DHX35: variants seen among roughly 807,000 people sequenced by gnomAD.
DHX35 encodes probable ATP-dependent RNA helicase DHX35.
In DHX35, 84 loss-of-function variants were observed where a neutral mutation model predicts 99.6. That is an observed-to-expected ratio of 0.84 (90% CI 0.71 to 1.01). The LOEUF (loss-of-function observed/expected upper bound fraction) is 1.01. Ranked by LOEUF, DHX35 falls within the 50% of genes least tolerant of loss-of-function variation. The probability of loss-of-function intolerance (pLI) is 0.00; values close to 1 mark genes in which losing one functional copy is unlikely to be tolerated. For missense variants in DHX35, 852 were observed against 888.5 expected (o/e 0.96, Z 0.52); for synonymous variants, 331 against 316.2 (o/e 1.05, Z -0.50).
At chr20:39,027,821 A>C (rs933239567) in intron 18 of DHX35, among the ~76,000 whole-genome samples, 2 of 152,266 alleles carry the variant, frequency 1.3e-5, no homozygotes, top group African/African-American at 4.8e-5. Flanking sequence ...TAACCATAAA[A>C]ATAACATTAG....
intron 13 of DHX35, among the ~76,000 whole-genome samples, chr20:39,011,775 C>G (rs2086706492): frequency 6.6e-6 from 1 of 152,138 alleles, no homozygotes. Context: ...TATGACAAGT[C>G]TGGAAAGTCT....
chr20:39,003,158 G>T (rs2086550751), intron 10 of DHX35, among the ~76,000 whole-genome samples: 1 of 143,410 alleles, frequency 7.0e-6, no homozygotes, highest in Non-Finnish European at 1.5e-5. Context: ...GCCAGAATTG[G>T]ATACTACATT....
rs61757594 is a variant in DHX35, at chr20:39,010,379, A to G, written c.1322A>G (p.Asn441Ser). 1.1e-3 allele frequency: 1,790 copies of G among 1,614,126 alleles called. 15 individuals are homozygous for G. The African/African-American group carries it at 0.02, about 18-fold the overall frequency. ...CAGCTGAAAGCACTAGGAATTGACA[A>G]TGTCCTCAGGTTCCACTTCATGTCG... ...ILQLKALGIDNVLRFHFMSPP... is the reference protein window; with the variant it reads ...ILQLKALGIDSVLRFHFMSPP... The change falls in exon 13 of 22, where the codon AAT becomes AGT. Residue 441 changes from asparagine (N) to serine (S), a missense_variant. Asn to Ser is a conservative substitution (Grantham distance 46). Coordinates refer to ENST00000252011, the MANE Select transcript of DHX35 (RefSeq NM_021931.4).
At chr20:39,018,769 C>T in intron 14 of DHX35, 35 bp from the exon 15 acceptor site, 1 of 1,598,342 alleles carries the variant, frequency 6.3e-7, no homozygotes, top group African/African-American at 1.3e-5. Context: ...ACAATGGTAC[C>T]TGCCTTCTGA....
intron 19 of DHX35, chr20:39,029,118 T>C (rs2145943044): frequency 6.6e-6 from 1 of 152,478 alleles, no homozygotes; most frequent in East Asian, 1.9e-4. Context: ...TCCAAACTAA[T>C]CATTCCAGTG....
In DHX35 at chr20:39,006,306, CA is replaced by C. The variant is rs2086616329; in HGVS notation, c.1173del (p.Gly392AspfsTer43). 6.2e-7 allele frequency: 1 copy of C among 1,613,990 alleles called. No individual in the cohort carries two copies. ...PVSQASANQR[A>X]GRGGRSRSGK... Reference sequence around the variant, plus strand: ...TCCCAGGCATCAGCTAATCAGCGAGCAGGACGTGGTGGTCGTAGTCGCTCGG... The same window carrying C: ...TCCCAGGCATCAGCTAATCAGCGAGCGGACGTGGTGGTCGTAGTCGCTCGG... On this transcript the variant is annotated frameshift_variant, in exon 12 of 22. Coordinates refer to ENST00000252011, the MANE Select transcript of DHX35 (RefSeq NM_021931.4). LOFTEE classifies it high-confidence loss of function.
chr20:39,016,956 T>C (rs1221880147), intron 14 of DHX35, among the ~76,000 whole-genome samples: 1 of 152,024 alleles, frequency 6.6e-6, no homozygotes, highest in Non-Finnish European at 1.5e-5. Flanking sequence ...TGTAAATATT[T>C]CTCCCATTTT....
chr20:39,003,704 T>G (rs752439461), intron 10 of DHX35, 45 bp from the exon 11 acceptor site: 1 of 1,587,536 alleles, frequency 6.3e-7, no homozygotes, highest in East Asian at 2.3e-5. Context: ...ATAGCATGCT[T>G]TAAATTGATC....
chr20:39,010,218 G>A, intron 12 of DHX35, 62 bp from the exon 13 acceptor site: 1 of 1,612,690 alleles, frequency 6.2e-7, no homozygotes, highest in Non-Finnish European at 8.5e-7. Context: ...TTGTCCCTTG[G>A]CATAGTGATT....
rs2085955419 is a variant in DHX35 at position 38,969,135 on chromosome 20, ACT to A, written c.98_99del (p.Ser33TrpfsTer27). 10 of 1,613,532 alleles carry A rather than the reference ACT, an allele frequency of 6.2e-6. No homozygotes were observed. The highest frequency in any genetic ancestry group is 6.8e-6 in the Non-Finnish European group (8 of 1,179,686). ...GAAGAGAGACAAAGTCTGGCTGAAA[ACT>A]CTGGGACAACGGTTGTTTACAACCC... is the stretch of plus-strand genomic sequence containing the variant. On this transcript the variant is annotated frameshift_variant, in exon 2 of 22. Coordinates refer to ENST00000252011, the MANE Select transcript of DHX35 (RefSeq NM_021931.4). LOFTEE classifies it high-confidence loss of function.
intron 1 of DHX35, among the ~76,000 whole-genome samples, chr20:38,967,482 G>A (rs887049225): frequency 2.0e-5 from 3 of 152,202 alleles, no homozygotes; most frequent in African/African-American, 7.2e-5. Context: ...CTTACATTGA[G>A]TTGAATTCTG....
At chr20:38,987,077 G>C (rs904158960) in intron 4 of DHX35, among the ~76,000 whole-genome samples, 2 of 152,350 alleles carry the variant, frequency 1.3e-5, no homozygotes, top group East Asian at 3.9e-4. Flanking sequence ...CTTGGGAACT[G>C]CGTGGGTGCT....
intron 1 of DHX35, among the ~76,000 whole-genome samples, chr20:38,967,249 A>G (rs925929365): frequency 6.6e-6 from 1 of 152,234 alleles, no homozygotes; most frequent in African/African-American, 2.4e-5. Flanking sequence ...GTGTAAAAGT[A>G]AGTCACTGAG....
chr20:39,009,122 C>T (rs190016918), intron 12 of DHX35, among the ~76,000 whole-genome samples: 69 of 152,344 alleles, frequency 4.5e-4, no homozygotes, highest in Admixed American at 4.2e-3. Context: ...GAAACACCCA[C>T]TTCCTGTGAG....
chr20:38,986,714 T>C (rs1267969225), intron 4 of DHX35, among the ~76,000 whole-genome samples: 1 of 152,192 alleles, frequency 6.6e-6, no homozygotes, highest in East Asian at 1.9e-4. Context: ...CCTGGTGAAA[T>C]GCTGGTCATT....
intron 3 of DHX35, among the ~76,000 whole-genome samples, chr20:38,980,566 T>C (rs187997607): frequency 6.4e-4 from 97 of 151,854 alleles, no homozygotes; most frequent in African/African-American, 2.2e-3. Context: ...ATTTTGTATA[T>C]GTATTTAATA....
rs935572778 is a variant in DHX35, at chr20:38,963,589, C to T, written c.40+1182C>T. 9.9e-5 allele frequency among the ~76,000 whole-genome samples: 15 copies of T among 152,272 alleles called. No homozygotes were observed. In the South Asian group the frequency reaches 1.9e-3, roughly 19 times the overall value. On this transcript the variant is annotated intron_variant, in intron 1 of 21. Coordinates refer to ENST00000252011, the MANE Select transcript of DHX35 (RefSeq NM_021931.4). ...GTAATGAATACTTTTAATTTATTCACGCTTTTAGTAACAGGTGAAAGTGTT... is the reference window on the plus strand; with the variant it reads ...GTAATGAATACTTTTAATTTATTCATGCTTTTAGTAACAGGTGAAAGTGTT...
intron 1 of DHX35, among the ~76,000 whole-genome samples, chr20:38,967,333 A>T (rs2085925448): frequency 6.6e-6 from 1 of 152,150 alleles, no homozygotes; most frequent in Admixed American, 6.5e-5. Context: ...GACCTAGGAG[A>T]TGATGGTTAT....
chr20:39,007,610 C>G (rs1347740578), intron 12 of DHX35, among the ~76,000 whole-genome samples: 1 of 152,182 alleles, frequency 6.6e-6, no homozygotes, highest in Non-Finnish European at 1.5e-5. Context: ...TGAGCCTGAT[C>G]TTACTGGCAA....
Sources: gnomAD v4.1 joint callset for allele counts (sites outside exome capture counted in the v4.1 genomes callset) on GRCh38, gnomAD v4.1.1 for gene constraint, MANE v1.5 for transcripts, NCBI Gene and HGNC (gene_info 2026-07-23, HGNC 2026-07-21) for gene names.